The following METTL24 variants were observed in gnomAD, a reference collection of about 807,000 sequenced individuals.
METTL24 encodes methyltransferase like 24, also known as probable methyltransferase-like protein 24.
A neutral mutation model predicts 32.7 loss-of-function variants in METTL24; 29 were observed. That is an observed-to-expected ratio of 0.89 (90% CI 0.66 to 1.21). The LOEUF is 1.21. Ranked by LOEUF, METTL24 falls within the 50% of genes most tolerant of loss-of-function variation. The pLI, the probability that METTL24 is intolerant of heterozygous loss-of-function variation, is 0.00. For missense variants in METTL24, 439 were observed against 468.1 expected, an observed-to-expected ratio of 0.94 and a Z score of 0.57; for synonymous variants, 163 against 179.5, an observed-to-expected ratio of 0.91 and a Z score of 0.73.
intron 4 of METTL24, among the ~76,000 whole-genome samples, chr6:110,294,991 G>C (rs965515074): frequency 1.6e-5 from 2 of 127,582 alleles, no homozygotes; most frequent in African/African-American, 6.1e-5. Flanking sequence ...GTCTTTAATT[G>C]CTTTTCTTTT....
intron 4 of METTL24, chr6:110,254,241 T>C (rs1778339393): frequency 3.9e-6 from 1 of 259,152 alleles, no homozygotes; most frequent in African/African-American, 2.2e-5. Flanking sequence ...TGTCATTTTG[T>C]AAAACAGAAT....
intron 4 of METTL24, among the ~76,000 whole-genome samples, chr6:110,252,089 A>T (rs12189608): frequency 0.022 from 3,409 of 152,254 alleles, 53 homozygotes; most frequent in Non-Finnish European, 0.038. Flanking sequence ...GGTTGCAGTG[A>T]GCTGAGATGG....
At chr6:110,296,155 A>G (rs1771415035) in intron 4 of METTL24, among the ~76,000 whole-genome samples, 1 of 152,222 alleles carries the variant, frequency 6.6e-6, no homozygotes, top group African/African-American at 2.4e-5. Context: ...TATCAGCAGC[A>G]TGGTTAAGAC....
intron 4 of METTL24, among the ~76,000 whole-genome samples, chr6:110,249,883 A>G (rs1386380943): frequency 6.6e-6 from 1 of 152,044 alleles, no homozygotes; most frequent in Non-Finnish European, 1.5e-5. Context: ...AATTGGTATG[A>G]TTTCCAGTGT....
chr6:110,327,967 C>A (rs764541575), intron 1 of METTL24, among the ~76,000 whole-genome samples: 2 of 152,228 alleles, frequency 1.3e-5, no homozygotes, highest in Non-Finnish European at 2.9e-5. Flanking sequence ...ATCCTGCCTG[C>A]CACCTGTACT....
intron 4 of METTL24, among the ~76,000 whole-genome samples, chr6:110,277,121 G>A (rs1483748350): frequency 1.3e-5 from 2 of 152,160 alleles, no homozygotes; most frequent in South Asian, 2.1e-4. Flanking sequence ...AAAAGATTGC[G>A]TGGGTCAGAA....
chr6:110,273,750 A>C (rs1770996297), intron 4 of METTL24, among the ~76,000 whole-genome samples: 1 of 152,186 alleles, frequency 6.6e-6, no homozygotes, highest in African/African-American at 2.4e-5. Context: ...TGTGGTGAAA[A>C]GGGAACACTT....
At chr6:110,256,772 G>C (rs78000074) in intron 4 of METTL24, among the ~76,000 whole-genome samples, 4,235 of 152,238 alleles carry the variant, frequency 0.028, 226 homozygotes, top group African/African-American at 0.095. Flanking sequence ...TTCGGGTCTT[G>C]ATTTTCAACT....
chr6:110,303,797 T>C (rs9487363), intron 3 of METTL24, among the ~76,000 whole-genome samples: 44,625 of 152,180 alleles, frequency 0.29, 11,397 homozygotes, highest in African/African-American at 0.69. Flanking sequence ...GATCTCCCAG[T>C]ACAACACTCG....
chr6:110,288,256 A>G (rs1771259164), intron 4 of METTL24, among the ~76,000 whole-genome samples: 1 of 152,132 alleles, frequency 6.6e-6, no homozygotes, highest in Non-Finnish European at 1.5e-5. Flanking sequence ...CTTGTTACTC[A>G]AAGTACAGCT....
At chr6:110,283,393 T>C (rs926442407) in intron 4 of METTL24, among the ~76,000 whole-genome samples, 2 of 152,154 alleles carry the variant, frequency 1.3e-5, no homozygotes, top group African/African-American at 4.8e-5. Context: ...ATTTTTTCCA[T>C]AATCTTGCCA....
At chr6:110,336,537 G>A (rs932911281) in intron 1 of METTL24, among the ~76,000 whole-genome samples, 1 of 152,084 alleles carries the variant, frequency 6.6e-6, no homozygotes. Flanking sequence ...TCAGGAGATA[G>A]AGACCATCCT....
intron 4 of METTL24, 94 bp downstream of exon 4, chr6:110,298,828 T>C: frequency 6.7e-6 from 7 of 1,048,030 alleles, no homozygotes; most frequent in Admixed American, 6.3e-5. Flanking sequence ...CCTTCAGCTA[T>C]CCAATGTCAA....
chr6:110,255,939 G>C (rs1243980137), intron 4 of METTL24, among the ~76,000 whole-genome samples: 1 of 152,008 alleles, frequency 6.6e-6, no homozygotes, highest in Admixed American at 6.6e-5. Flanking sequence ...AAAAAAAACA[G>C]CCCCAATGCA....
intron 1 of METTL24, among the ~76,000 whole-genome samples, chr6:110,336,968 A>T (rs1772248091): frequency 6.6e-6 from 1 of 152,188 alleles, no homozygotes; most frequent in Non-Finnish European, 1.5e-5. Context: ...AGACACATGC[A>T]CGTGAATGTT....
chr6:110,291,019 C>G (rs1288157905), intron 4 of METTL24, among the ~76,000 whole-genome samples: 1 of 151,984 alleles, frequency 6.6e-6, no homozygotes, highest in Admixed American at 6.6e-5. Flanking sequence ...TGGTGGGGTG[C>G]CAGTTTAACT....
intron 4 of METTL24, among the ~76,000 whole-genome samples, chr6:110,276,923 TAAG>T (rs943691459): frequency 2.0e-5 from 3 of 152,112 alleles, no homozygotes; most frequent in Admixed American, 2.0e-4. Context: ...AGGTGGCAGA[TAAG>T]AAGAATGACA....
In METTL24 at chr6:110,358,204, C is replaced by G; in HGVS notation, c.69G>C (p.Leu23=). The G allele has an allele frequency of 3.4e-6, 5 of 1,468,126 alleles. No homozygotes were observed. The highest frequency in any genetic ancestry group is 4.5e-6 in the Non-Finnish European group (5 of 1,116,668). The allele number at this position is 1,468,126 out of a possible 1,614,324, so 90.9% of individuals were successfully genotyped here. ...VLRRCLLGAV[L]LFGLRLCAEL... is the part of the protein sequence containing the mutation. Reference sequence around the variant, plus strand: ...CTGCGCAGAGCCGCAGGCCGAACAACAGCACAGCCCCGAGTAGACACCGGC... The same window carrying G: ...CTGCGCAGAGCCGCAGGCCGAACAAGAGCACAGCCCCGAGTAGACACCGGC... Residue 23 remains leucine, a synonymous_variant, in exon 1 of 5, where the codon CTG becomes CTC. Coordinates refer to ENST00000338882, the MANE Select transcript of METTL24 (RefSeq NM_001123364.3).
intron 1 of METTL24, among the ~76,000 whole-genome samples, chr6:110,344,267 A>C (rs1279478634): frequency 6.6e-6 from 1 of 152,158 alleles, no homozygotes; most frequent in African/African-American, 2.4e-5. Flanking sequence ...ATGGAAGTCA[A>C]GGACTGTTCT....
Sources: gnomAD v4.1 joint callset for allele counts (sites outside exome capture counted in the v4.1 genomes callset) on GRCh38, gnomAD v4.1.1 for gene constraint, MANE v1.5 for transcripts, NCBI Gene and HGNC (gene_info 2026-07-23, HGNC 2026-07-21) for gene names.